Variants in IPO5 observed in about 807,000 individuals in gnomAD.
IPO5 encodes importin-5.
A neutral mutation model predicts 143.3 loss-of-function variants in IPO5; 18 were observed. The ratio of observed to expected loss-of-function variants is 0.13; its 90% CI spans 0.09 to 0.19. The LOEUF (loss-of-function observed/expected upper bound fraction) is 0.19, where lower values mean the gene tolerates loss of function less well. IPO5 is among the 10% of genes least tolerant of loss of function. The pLI is 1.00. For synonymous variants in IPO5, 477 were observed against 465.7 expected (o/e 1.02, Z -0.31); for missense variants, 1,013 against 1,336.9 (o/e 0.76, Z 3.78).
chr13:97,985,628 G>C lies in IPO5; in HGVS notation c.364+15G>C. 1.3e-6 allele frequency: 2 copies of C among 1,589,678 alleles called. No individual in the cohort carries two copies. The highest frequency in any genetic ancestry group is 1.7e-6 in the Non-Finnish European group (2 of 1,159,944). ...GAATTTAATAGGTGTGTATGCAGGT[G>C]CACTCATGTTACCAAGAACATGGGT... On this transcript the variant is annotated intron_variant, in intron 6 of 28. Coordinates refer to ENST00000651721, the MANE Select transcript of IPO5 (RefSeq NM_002271.6).
intron 3 of IPO5, 40 bp downstream of exon 3, chr13:97,969,870 GT>G (rs773928915): frequency 5.9e-6 from 9 of 1,524,826 alleles, no homozygotes; most frequent in Admixed American, 1.8e-5. Flanking sequence ...TTCCTGTTTT[GT>G]TTTTTTTAAA....
chr13:98,006,840 T>C (rs1889297435), intron 17 of IPO5, among the ~76,000 whole-genome samples: 1 of 151,618 alleles, frequency 6.6e-6, no homozygotes, highest in South Asian at 2.1e-4. Context: ...CCTTCATCTT[T>C]TCATTGTTTG....
In IPO5 at chr13:98,002,752, C is replaced by T; in HGVS notation, c.1302C>T (p.Phe434=). The part of the protein sequence containing the change: ...GQMATDFAPG[F]QKKFHEKVIA... ...TGGCTACAGATTTTGCACCTGGTTT[C>T]CAAAAGAAATTTCATGAGAAGGTAA... Residue 434 remains phenylalanine (F), a synonymous_variant, in exon 15 of 29, where the codon TTC becomes TTT. Transcript: ENST00000651721. 1 of 1,612,052 alleles carries T rather than the reference C, an allele frequency of 6.2e-7. No homozygotes were observed.
At chr13:97,984,180 G>A (rs1432429610) in intron 5 of IPO5, among the ~76,000 whole-genome samples, 5 of 150,504 alleles carry the variant, frequency 3.3e-5, no homozygotes, top group African/African-American at 1.2e-4. Flanking sequence ...GGGTTTCACC[G>A]TTTTAGCCGG....
intron 6 of IPO5, among the ~76,000 whole-genome samples, chr13:97,988,492 A>G (rs549542898): frequency 6.6e-6 from 1 of 152,230 alleles, no homozygotes; most frequent in South Asian, 2.1e-4. Context: ...CACTCCTTAG[A>G]AATAACCTCT....
At chr13:97,955,004 G>A (rs1463116889) in intron 2 of IPO5, among the ~76,000 whole-genome samples, 1 of 152,132 alleles carries the variant, frequency 6.6e-6, no homozygotes, top group Non-Finnish European at 1.5e-5. Context: ...GAGGTGGGAG[G>A]ATCACTTGGG....
At chr13:97,994,851 C>T (rs929592372) in intron 11 of IPO5, among the ~76,000 whole-genome samples, 7 of 152,128 alleles carry the variant, frequency 4.6e-5, no homozygotes, top group African/African-American at 1.7e-4. Flanking sequence ...TGGGGCCAGG[C>T]ATACTGGCTC....
At chr13:98,015,221 A>G (rs1427599720) in intron 22 of IPO5, among the ~76,000 whole-genome samples, 3 of 144,178 alleles carry the variant, frequency 2.1e-5, no homozygotes, top group Middle Eastern at 3.5e-3. Context: ...GGATATAGCA[A>G]TTGTGTTCCT....
intron 11 of IPO5, among the ~76,000 whole-genome samples, chr13:97,996,642 G>A (rs995920116): frequency 8.6e-5 from 13 of 151,924 alleles, no homozygotes; most frequent in African/African-American, 1.9e-4. Context: ...TCGCTCTGTC[G>A]TCCAGGCTGG....
At chr13:98,012,793 T>C (rs1003533456) in intron 21 of IPO5, among the ~76,000 whole-genome samples, 9 of 145,898 alleles carry the variant, frequency 6.2e-5, no homozygotes, top group Non-Finnish European at 1.0e-4. Context: ...CAAGCCCAGC[T>C]AGATTTGATT....
intron 27 of IPO5, 151 bp downstream of exon 27, chr13:98,019,960 T>C: frequency 1.8e-6 from 1 of 567,056 alleles, no homozygotes; most frequent in East Asian, 2.8e-5. Context: ...TTATAAATCA[T>C]ATTAAGAAAC....
rs752815962 is a variant in IPO5, at chr13:97,969,717, A to C, written c.-112-6A>C. 3.2e-6 allele frequency: 4 copies of C among 1,255,058 alleles called. No individual in the cohort carries two copies. The African/African-American group carries it at 4.4e-5, about 14-fold the overall frequency. The allele number at this position is 1,255,058 out of a possible 1,614,324, so 77.7% of individuals were successfully genotyped here. ...ATGGTCCACCATTCTGTTTCTGTCAAATCAGCAGAGGAAAGAAATTCCTAA... is the reference window on the plus strand; with the variant it reads ...ATGGTCCACCATTCTGTTTCTGTCACATCAGCAGAGGAAAGAAATTCCTAA... On this transcript the variant is annotated splice_region_variant and splice_polypyrimidine_tract_variant and intron_variant, in intron 2 of 28. Transcript: ENST00000651721.
At chr13:98,003,128 C>T in intron 16 of IPO5, 91 bp downstream of exon 16, 1 of 951,202 alleles carries the variant, frequency 1.1e-6, no homozygotes, top group East Asian at 2.4e-5. Flanking sequence ...GGACTTGCAG[C>T]ATGACCATAA....
chr13:98,006,263 A>G lies in IPO5; in HGVS notation c.1631A>G (p.Asn544Ser), dbSNP rs1457663224. The G allele has an allele frequency of 5.0e-6, 8 of 1,612,530 alleles. No individual in the cohort carries two copies. The highest frequency in any genetic ancestry group is 1.7e-6 in the Non-Finnish European group (2 of 1,179,300). Residue 544 changes from asparagine (N) to serine (S), a missense_variant, in exon 17 of 29, where the codon AAT becomes AGT. Physicochemically the swap from Asn to Ser is conservative, Grantham distance 46. Transcript: ENST00000651721. The stretch of plus-strand genomic sequence containing the variant: ...CCATCACTGAAGCACATCGTTGAGA[A>G]TGCGGTTCAAAAAGAACTGAGACTT... ...FMPSLKHIVE[N>S]AVQKELRLLR... is the part of the protein sequence containing the mutation.
intron 10 of IPO5, 41 bp downstream of exon 10, chr13:97,993,055 C>G: frequency 6.2e-7 from 1 of 1,611,014 alleles, no homozygotes; most frequent in Non-Finnish European, 8.5e-7. Context: ...TTGTTATTTT[C>G]AGGGACTAAT....
intron 22 of IPO5, among the ~76,000 whole-genome samples, chr13:98,015,017 CTA>C (rs1381658906): frequency 6.6e-6 from 1 of 152,104 alleles, no homozygotes; most frequent in African/African-American, 2.4e-5. Context: ...TTGCACAACT[CTA>C]GTTTGCTCCA....
At chr13:97,997,345 A>G (rs1888381469) in intron 11 of IPO5, among the ~76,000 whole-genome samples, 186 bp from the exon 12 acceptor site, 1 of 152,106 alleles carries the variant, frequency 6.6e-6, no homozygotes, top group Admixed American at 6.5e-5. Context: ...TGCTTTTTAA[A>G]GAAACGATAA....
Position 98,012,360 on chromosome 13 carries a change from A to T in IPO5, c.2152+18A>T, listed in dbSNP as rs1277477109. ...CCACGATGATATCCTACAACTTCTG[A>T]ATACAAAACATGTCTAGATTTAGTA... On this transcript the variant is annotated intron_variant, in intron 21 of 28. Coordinates refer to ENST00000651721, the MANE Select transcript of IPO5 (RefSeq NM_002271.6). The T allele has an allele frequency of 7.5e-7, 1 of 1,334,528 alleles. No homozygotes were observed. Among genetic ancestry groups the T allele is most frequent in the African/African-American group, 1.4e-5 (1 of 69,386 alleles). The allele number at this position is 1,334,528 out of a possible 1,614,324, so 82.7% of individuals were successfully genotyped here. A position where few individuals can be genotyped will look rare whatever the true frequency, so the allele number is the denominator to read the frequency against.
At chr13:97,983,735 G>C (rs1887060150) in intron 5 of IPO5, among the ~76,000 whole-genome samples, 1 of 151,908 alleles carries the variant, frequency 6.6e-6, no homozygotes, top group Non-Finnish European at 1.5e-5. Flanking sequence ...GCTTATCCTT[G>C]ATGGAAATAA....
Sources: allele counts gnomAD v4.1 joint callset (sites outside exome capture counted in the v4.1 genomes callset), GRCh38; gene constraint gnomAD v4.1.1; transcripts MANE v1.5; gene names NCBI Gene and HGNC (gene_info 2026-07-23, HGNC 2026-07-21).